LRFN5: variants seen among roughly 807,000 people sequenced by gnomAD.
LRFN5 encodes the protein leucine rich repeat and fibronectin type III domain containing 5, also known as leucine-rich repeat and fibronectin type-III domain-containing protein 5.
Under a neutral mutation model 45.6 loss-of-function variants are expected in LRFN5, and 24 were observed. That is an observed-to-expected ratio of 0.53 (90% confidence interval 0.38 to 0.74). The LOEUF (loss-of-function observed/expected upper bound fraction) is 0.74, where lower values mean the gene tolerates loss of function less well. Ranked by LOEUF, LRFN5 falls within the 30% of genes least tolerant of loss-of-function variation. LRFN5 has a pLI of 0.00. For missense variants in LRFN5, 776 were observed against 861.5 expected (o/e 0.90, Z 1.24); for synonymous variants, 340 against 313.8 (o/e 1.08, Z -0.88).
intron 2 of LRFN5, among the ~76,000 whole-genome samples, chr14:41,782,508 C>A (rs987701816): frequency 3.3e-5 from 5 of 152,122 alleles, no homozygotes; most frequent in Non-Finnish European, 5.9e-5. Flanking sequence ...ACTGCAAAAC[C>A]TGAGTCATAT....
chr14:41,803,861 T>A (rs1454016134), intron 2 of LRFN5, among the ~76,000 whole-genome samples: 1 of 151,910 alleles, frequency 6.6e-6, no homozygotes, highest in African/African-American at 2.4e-5. Flanking sequence ...CCAGAGTTTT[T>A]TTCATTTGTT....
intron 1 of LRFN5, among the ~76,000 whole-genome samples, chr14:41,747,085 T>A (rs1030283597): frequency 3.9e-5 from 6 of 151,970 alleles, no homozygotes; most frequent in Admixed American, 3.9e-4. Context: ...ATCCCTATGT[T>A]CACCATGGGA....
At chr14:41,739,610 G>C (rs1331403357) in intron 1 of LRFN5, among the ~76,000 whole-genome samples, 1 of 149,734 alleles carries the variant, frequency 6.7e-6, no homozygotes, top group Non-Finnish European at 1.5e-5. Context: ...CTACATCAAA[G>C]AAGAAGAAAG....
intron 1 of LRFN5, among the ~76,000 whole-genome samples, chr14:41,719,671 T>C (rs186050337): frequency 6.6e-6 from 1 of 152,064 alleles, no homozygotes; most frequent in African/African-American, 2.4e-5. Context: ...CTTTCCATCT[T>C]TTAAGATTTT....
At chr14:41,753,696 A>G (rs887759543) in intron 1 of LRFN5, among the ~76,000 whole-genome samples, 5 of 152,172 alleles carry the variant, frequency 3.3e-5, no homozygotes, top group Non-Finnish European at 7.3e-5. Context: ...TAGATAAACA[A>G]TCATGTCATC....
chr14:41,893,972 T>A (rs1890863409), intron 4 of LRFN5: 19 of 984,846 alleles, frequency 1.9e-5, no homozygotes, highest in Non-Finnish European at 2.3e-5. Flanking sequence ...TCAGTACTAT[T>A]AATGTAGTAA....
chr14:41,866,565 C>T (rs1026205414), intron 2 of LRFN5, among the ~76,000 whole-genome samples: 5 of 152,104 alleles, frequency 3.3e-5, no homozygotes, highest in African/African-American at 1.2e-4. Flanking sequence ...TAAACTCCCT[C>T]GAACCTGGTC....
chr14:41,764,360 T>A (rs1044540558), intron 1 of LRFN5, among the ~76,000 whole-genome samples: 9 of 152,160 alleles, frequency 5.9e-5, no homozygotes, highest in Non-Finnish European at 5.9e-5. Flanking sequence ...TTAAGAGAAT[T>A]TTTTTAAGTT....
chr14:41,781,587 A>AGAAAGAAAG, intron 2 of LRFN5, among the ~76,000 whole-genome samples: 1 of 101,752 alleles, frequency 9.8e-6, no homozygotes, highest in Non-Finnish European at 2.0e-5. Flanking sequence ...AAAGAAAGAA[A>AGAAAGAAAG]GAAAGAAAGA....
chr14:41,797,231 G>A (rs957080707), intron 2 of LRFN5, among the ~76,000 whole-genome samples: 4 of 151,408 alleles, frequency 2.6e-5, no homozygotes, highest in African/African-American at 7.3e-5. Context: ...ATTTATTTGG[G>A]CATTAATTTT....
chr14:41,867,291 T>C (rs1477857395), intron 2 of LRFN5, among the ~76,000 whole-genome samples: 1 of 152,124 alleles, frequency 6.6e-6, no homozygotes, highest in Non-Finnish European at 1.5e-5. Context: ...AAAGGTATTA[T>C]AATACCTACA....
At chr14:41,658,749 A>G (rs965930748) in intron 1 of LRFN5, among the ~76,000 whole-genome samples, 5 of 151,986 alleles carry the variant, frequency 3.3e-5, no homozygotes, top group African/African-American at 1.2e-4. Context: ...AAGTGAAAAT[A>G]TATTTACTGT....
intron 1 of LRFN5, among the ~76,000 whole-genome samples, chr14:41,641,754 T>G (rs1181297689): frequency 1.3e-5 from 2 of 152,064 alleles, no homozygotes; most frequent in African/African-American, 4.8e-5. Flanking sequence ...TTAAAATATT[T>G]AGATAGATGA....
At chr14:41,654,252 G>A (rs529963766) in intron 1 of LRFN5, among the ~76,000 whole-genome samples, 105 of 152,030 alleles carry the variant, frequency 6.9e-4, no homozygotes, top group African/African-American at 2.4e-3. Context: ...TCTGAGTGAG[G>A]GTGGATTGGA....
At chr14:41,869,730 C>T (rs1379384560) in intron 2 of LRFN5, among the ~76,000 whole-genome samples, 1 of 151,976 alleles carries the variant, frequency 6.6e-6, no homozygotes, top group Non-Finnish European at 1.5e-5. Context: ...AGAGCTTGTG[C>T]AGGGAAACTC....
Position 41,673,575 on chromosome 14 carries a change from A to AC in LRFN5, c.-197+65021dup, listed in dbSNP as rs1228293593. ...GGGGCGGCTGGCCGGGCAGGGGGTG[A>AC]CCCCCCCCACCTCACTCCCGGATGG... On this transcript the variant is annotated intron_variant, in intron 1 of 5. Transcript: ENST00000298119. Among the ~76,000 whole-genome samples, 180 of 104,954 alleles carry AC rather than the reference A, an allele frequency of 1.7e-3. 1 individual carries two copies. Among genetic ancestry groups the AC allele is most frequent in the African/African-American group, 2.9e-3 (77 of 26,526 alleles). The allele number at this position is 104,954 out of a possible 152,430, so 68.9% of individuals were successfully genotyped here. A position where few individuals can be genotyped will look rare whatever the true frequency, so the allele number is the denominator to read the frequency against.
chr14:41,892,242 T>C, intron 4 of LRFN5: 1 of 984,996 alleles, frequency 1.0e-6, no homozygotes, highest in Non-Finnish European at 1.2e-6. Context: ...CATAGAAGAT[T>C]GGAATTTGCA....
At chr14:41,847,260 T>C (rs998124515) in intron 2 of LRFN5, among the ~76,000 whole-genome samples, 2 of 152,106 alleles carry the variant, frequency 1.3e-5, no homozygotes, top group Non-Finnish European at 1.5e-5. Flanking sequence ...TTTAAAAATG[T>C]CTAATTAAAC....
chr14:41,686,657 T>C (rs193117453), intron 1 of LRFN5, among the ~76,000 whole-genome samples: 2 of 152,072 alleles, frequency 1.3e-5, no homozygotes, highest in Non-Finnish European at 2.9e-5. Flanking sequence ...TTATTGAGAG[T>C]TTTTAACATG....
Sources: allele counts gnomAD v4.1 joint callset (sites outside exome capture counted in the v4.1 genomes callset), GRCh38; gene constraint gnomAD v4.1.1; transcripts MANE v1.5; gene names NCBI Gene and HGNC (gene_info 2026-07-23, HGNC 2026-07-21).